Variants in NAALADL2 observed in about 807,000 individuals in gnomAD.
NAALADL2 encodes inactive N-acetylated-alpha-linked acidic dipeptidase-like protein 2.
NAALADL2 carries 76 observed loss-of-function variants against 87.2 expected under a neutral mutation model. The observed-to-expected ratio is 0.87, with a 90% CI of 0.72 to 1.05. The LOEUF is 1.05. NAALADL2 is among the 50% of genes least tolerant of loss of function. The pLI, the probability that NAALADL2 is intolerant of heterozygous loss-of-function variation, is 0.00. For missense variants in NAALADL2, 1,089 were observed against 945.8 expected, an observed-to-expected ratio of 1.15 and a Z score of -1.99; for synonymous variants, 354 against 331.0, an observed-to-expected ratio of 1.07 and a Z score of -0.75.
chr3:175,279,192 C>T (rs1016356680), intron 4 of NAALADL2, among the ~76,000 whole-genome samples: 5 of 152,162 alleles, frequency 3.3e-5, no homozygotes, highest in African/African-American at 9.7e-5. Context: ...AAGGAACTCT[C>T]AATCTTGGAT....
chr3:175,544,145 T>TG (rs961225097), intron 9 of NAALADL2, among the ~76,000 whole-genome samples: 2 of 152,102 alleles, frequency 1.3e-5, no homozygotes, highest in Admixed American at 6.5e-5. Context: ...TCTTCTAATG[T>TG]GAAAAAATGG....
chr3:175,310,457 G>T (rs923173773), intron 4 of NAALADL2, among the ~76,000 whole-genome samples: 1 of 151,908 alleles, frequency 6.6e-6, no homozygotes, highest in Admixed American at 6.6e-5. Flanking sequence ...AGAAAATGAT[G>T]TATGTCACTA....
chr3:175,503,718 G>A (rs866353778), intron 9 of NAALADL2, among the ~76,000 whole-genome samples: 4 of 152,116 alleles, frequency 2.6e-5, no homozygotes, highest in Non-Finnish European at 5.9e-5. Context: ...TTGGCTACAC[G>A]TGTGTCTTCT....
chr3:175,140,994 G>A (rs933580879), intron 2 of NAALADL2, among the ~76,000 whole-genome samples: 1 of 152,070 alleles, frequency 6.6e-6, no homozygotes, highest in South Asian at 2.1e-4. Flanking sequence ...AATTCAGTGG[G>A]GTTTTAATTG....
At position 175,439,545 on chromosome 3, in the gene NAALADL2, C is replaced by T. The variant is rs764466969; in HGVS notation, c.1091-7684C>T. On this transcript the variant is annotated intron_variant, in intron 5 of 13. Coordinates refer to ENST00000454872, the MANE Select transcript of NAALADL2 (RefSeq NM_207015.3). ...TTGATTATGGCCATTCTTGCAGAAG[C>T]CAGGTGGCATCGTATTGTGGTTTTG... is the stretch of plus-strand genomic sequence containing the variant. Among the ~76,000 whole-genome samples, 34 of 151,708 alleles carry T rather than the reference C, an allele frequency of 2.2e-4. 1 individual carries two copies. The highest frequency in any genetic ancestry group is 1.7e-3 in the Admixed American group (26 of 15,196).
intron 1 of NAALADL2, among the ~76,000 whole-genome samples, chr3:174,517,093 C>T (rs190774535): frequency 1.6e-4 from 25 of 151,818 alleles, no homozygotes; most frequent in East Asian, 5.8e-4. Flanking sequence ...TATAGTAAAA[C>T]GTATGGTTAC....
At chr3:175,497,203 T>C (rs1322256201) in intron 9 of NAALADL2, among the ~76,000 whole-genome samples, 1 of 151,984 alleles carries the variant, frequency 6.6e-6, no homozygotes, top group Non-Finnish European at 1.5e-5. Flanking sequence ...CCTCCCCGAG[T>C]AGCTGAGACT....
intron 9 of NAALADL2, among the ~76,000 whole-genome samples, chr3:175,558,154 C>G (rs573878797): frequency 8.8e-4 from 125 of 141,288 alleles, no homozygotes; most frequent in African/African-American, 3.2e-3. Context: ...GAGATCACGC[C>G]ACTGCACTCC....
chr3:175,704,820 G>T (rs1739454817), intron 11 of NAALADL2, among the ~76,000 whole-genome samples: 1 of 152,142 alleles, frequency 6.6e-6, no homozygotes, highest in Non-Finnish European at 1.5e-5. Context: ...AGCTGAGTCA[G>T]CCCTAGAATC....
chr3:174,666,477 G>A (rs1453980457), intron 2 of NAALADL2, among the ~76,000 whole-genome samples: 2 of 152,176 alleles, frequency 1.3e-5, no homozygotes, highest in East Asian at 3.9e-4. Flanking sequence ...TTATATAGAT[G>A]ACTTTCCTTG....
chr3:175,033,145 G>A (rs919301696), intron 1 of NAALADL2, among the ~76,000 whole-genome samples: 7 of 152,036 alleles, frequency 4.6e-5, no homozygotes, highest in South Asian at 2.1e-4. Flanking sequence ...GGAGGGGTCC[G>A]TGGATCTGGT....
intron 1 of NAALADL2, among the ~76,000 whole-genome samples, chr3:174,921,588 T>TCAGGAGATCGAGAC (rs1397966034): frequency 6.6e-6 from 1 of 151,876 alleles, no homozygotes; most frequent in African/African-American, 2.4e-5. Context: ...GATCACCAAG[T>TCAGGAGATCGAGAC]CAGGAGATCG....
intron 1 of NAALADL2, among the ~76,000 whole-genome samples, chr3:174,937,518 G>T (rs1486237066): frequency 1.3e-5 from 2 of 151,952 alleles, no homozygotes; most frequent in African/African-American, 2.4e-5. Flanking sequence ...AGAAGGAAAT[G>T]ACAAAAATAA....
intron 2 of NAALADL2, among the ~76,000 whole-genome samples, chr3:175,182,375 T>G (rs1172437046): frequency 6.6e-6 from 1 of 151,816 alleles, no homozygotes; most frequent in Admixed American, 6.6e-5. Context: ...TTCTTTTTTG[T>G]GCAAAACTGT....
At chr3:175,139,033 A>G (rs531304624) in intron 2 of NAALADL2, among the ~76,000 whole-genome samples, 3 of 150,720 alleles carry the variant, frequency 2.0e-5, no homozygotes, top group Admixed American at 2.0e-4. Flanking sequence ...GAAGTGAAAT[A>G]TTTTTCTTTC....
intron 2 of NAALADL2, among the ~76,000 whole-genome samples, chr3:174,611,825 G>A (rs2108642773): frequency 6.6e-6 from 1 of 151,856 alleles, no homozygotes; most frequent in East Asian, 1.9e-4. Flanking sequence ...TCAAACTCCT[G>A]ACCTTGTGTT....
intron 4 of NAALADL2, among the ~76,000 whole-genome samples, chr3:175,318,078 GACTA>G (rs1759379905): frequency 6.6e-6 from 1 of 152,044 alleles, no homozygotes; most frequent in South Asian, 2.1e-4. Flanking sequence ...ACTGTTATAT[GACTA>G]ACAGTCAGGG....
intron 11 of NAALADL2, among the ~76,000 whole-genome samples, chr3:175,643,977 G>T (rs1172287475): frequency 6.6e-6 from 1 of 152,004 alleles, no homozygotes; most frequent in Non-Finnish European, 1.5e-5. Context: ...TTTGTTCTTT[G>T]ATTTTTTCCA....
At chr3:175,652,264 C>A (rs1191524859) in intron 11 of NAALADL2, among the ~76,000 whole-genome samples, 1 of 151,940 alleles carries the variant, frequency 6.6e-6, no homozygotes, top group Admixed American at 6.6e-5. Flanking sequence ...TATGGGGAGG[C>A]AGTGAAGGTA....
Sources: allele counts gnomAD v4.1 joint callset (sites outside exome capture counted in the v4.1 genomes callset), GRCh38; gene constraint gnomAD v4.1.1; transcripts MANE v1.5; gene names NCBI Gene and HGNC (gene_info 2026-07-23, HGNC 2026-07-21).